The following STPG2 variants were observed in gnomAD, a reference collection of about 807,000 sequenced individuals.
The protein encoded by STPG2 is sperm-tail PG-rich repeat-containing protein 2.
In STPG2, 56 loss-of-function variants were observed where a neutral mutation model predicts 54.2. That is an observed-to-expected ratio of 1.03 (90% CI 0.83 to 1.29). The LOEUF is 1.29. Ranked by LOEUF, STPG2 falls within the 50% of genes most tolerant of loss-of-function variation. The pLI is 0.00. For synonymous variants in STPG2, 200 were observed against 181.8 expected (o/e 1.10, Z -0.81); for missense variants, 596 against 544.9 (o/e 1.09, Z -0.93).
intron 10 of STPG2, among the ~76,000 whole-genome samples, chr4:97,608,040 G>A (rs540019321): frequency 1.3e-5 from 2 of 152,046 alleles, no homozygotes; most frequent in African/African-American, 4.8e-5. Context: ...CTAAAAGGTG[G>A]GGGGAAAGGA....
intron 9 of STPG2, among the ~76,000 whole-genome samples, chr4:97,794,645 T>C (rs1256661955): frequency 1.3e-5 from 2 of 152,136 alleles, no homozygotes; most frequent in Non-Finnish European, 2.9e-5. Flanking sequence ...ATGTGCAGCA[T>C]TGTCTAGCTG....
rs1240036997 is a variant in STPG2 at position 97,712,744 on chromosome 4, G to A, written c.1275C>T (p.Arg425=). 2 of 1,609,528 alleles carry A rather than the reference G, an allele frequency of 1.2e-6. No homozygotes were observed. Among genetic ancestry groups the A allele is most frequent in the Non-Finnish European group, 1.7e-6 (2 of 1,177,176 alleles). Residue 425 remains arginine, a synonymous_variant, in exon 10 of 11, where the codon CGC becomes CGT. Coordinates refer to ENST00000295268, the MANE Select transcript of STPG2 (RefSeq NM_174952.3). Reference sequence around the variant, plus strand: ...GAGTAATCTCTTTGGACTCTTCAAAGCGCTTTGATGCTTTCACAAATAAGG... The same window carrying A: ...GAGTAATCTCTTTGGACTCTTCAAAACGCTTTGATGCTTTCACAAATAAGG... ...PIPLFVKASK[R]FEESKEITPG... is the part of the protein sequence containing the mutation.
chr4:97,612,465 G>A (rs1202676602), intron 10 of STPG2, among the ~76,000 whole-genome samples: 1 of 152,006 alleles, frequency 6.6e-6, no homozygotes, highest in Non-Finnish European at 1.5e-5. Flanking sequence ...TAATCCTCTT[G>A]CAAATAGGTG....
intron 8 of STPG2, among the ~76,000 whole-genome samples, chr4:97,919,072 A>T (rs1731996321): frequency 6.6e-6 from 1 of 152,186 alleles, no homozygotes; most frequent in South Asian, 2.1e-4. Flanking sequence ...TGAAAAATAA[A>T]ACTACATAGG....
chr4:97,653,173 T>C (rs181024449), intron 10 of STPG2, among the ~76,000 whole-genome samples: 1 of 151,994 alleles, frequency 6.6e-6, no homozygotes, highest in Non-Finnish European at 1.5e-5. Context: ...GCAGGTATTA[T>C]GTATTAGGGA....
intron 9 of STPG2, among the ~76,000 whole-genome samples, chr4:97,804,337 A>C (rs1727487145): frequency 6.6e-6 from 1 of 152,106 alleles, no homozygotes; most frequent in Non-Finnish European, 1.5e-5. Context: ...GAGCTGAAAA[A>C]TTCCTGTTGC....
At chr4:98,030,786 A>C (rs564971511) in intron 5 of STPG2, among the ~76,000 whole-genome samples, 2 of 152,326 alleles carry the variant, frequency 1.3e-5, no homozygotes, top group South Asian at 2.1e-4. Context: ...GCAATGGGGA[A>C]AGGATTTTCT....
intron 10 of STPG2, among the ~76,000 whole-genome samples, chr4:97,706,543 A>C (rs879885088): frequency 3.9e-5 from 6 of 152,290 alleles, no homozygotes; most frequent in East Asian, 3.9e-4. Context: ...ATGAGAAATA[A>C]ATTTTTGTTG....
chr4:98,143,323 A>C lies in STPG2; in HGVS notation c.-173T>G. 1 of 586,958 alleles carries C rather than the reference A, an allele frequency of 1.7e-6. No homozygotes were observed. Among genetic ancestry groups the C allele is most frequent in the South Asian group, 2.0e-5 (1 of 48,796 alleles). 36.4% of individuals were successfully genotyped at this position (586,958 alleles called of 1,614,324 possible). On this transcript the variant is annotated 5_prime_UTR_variant, in exon 1 of 11. Transcript: ENST00000295268. ...GTTGTCTCCCCGCCCGCTCATTGAT[A>C]CCAGATTTCCTCAAATCGATTTCTA...
In STPG2 at chr4:98,128,417, A is replaced by G; in HGVS notation, c.387+11T>C. On this transcript the variant is annotated intron_variant, in intron 3 of 10. Transcript: ENST00000295268. ...TTTTCCAATTGTCAATATGAAATAC[A>G]TTATACTTACAAATTGAGGTTTGTA... 2.5e-6 allele frequency: 4 copies of G among 1,581,452 alleles called. No individual in the cohort carries two copies. Among genetic ancestry groups the G allele is most frequent in the African/African-American group, 1.4e-5 (1 of 73,374 alleles).
intron 10 of STPG2, among the ~76,000 whole-genome samples, chr4:97,702,471 G>A (rs1723807488): frequency 6.6e-6 from 1 of 152,118 alleles, no homozygotes; most frequent in Admixed American, 6.5e-5. Context: ...GTGACCCACT[G>A]GGACTTTAAT....
intron 8 of STPG2, among the ~76,000 whole-genome samples, chr4:97,884,761 C>T (rs994712453): frequency 3.3e-5 from 5 of 151,798 alleles, no homozygotes; most frequent in African/African-American, 1.2e-4. Flanking sequence ...GGTTATAGAG[C>T]TAAGAAATTA....
intron 4 of STPG2, among the ~76,000 whole-genome samples, chr4:97,483,976 T>G (rs184910081): frequency 6.6e-6 from 1 of 151,808 alleles, no homozygotes; most frequent in African/African-American, 2.4e-5. Context: ...TGAATGAGCA[T>G]TGGGTCAAAA....
chr4:97,490,924 C>G (rs996721044), intron 4 of STPG2, among the ~76,000 whole-genome samples: 36 of 151,584 alleles, frequency 2.4e-4, no homozygotes, highest in African/African-American at 8.5e-4. Flanking sequence ...AACCCATTTA[C>G]AGCATAAGGA....
At chr4:97,557,743 C>T (rs563898396), downstream of STPG2, among the ~76,000 whole-genome samples, 4 of 152,238 alleles carry the variant, frequency 2.6e-5, no homozygotes, top group Non-Finnish European at 5.9e-5. Flanking sequence ...CTAATGCAGG[C>T]GGAAAGGATT....
chr4:97,967,871 G>T (rs530189369), intron 7 of STPG2, among the ~76,000 whole-genome samples: 4 of 152,164 alleles, frequency 2.6e-5, no homozygotes, highest in African/African-American at 7.2e-5. Flanking sequence ...GGTGTAGAGG[G>T]AAATTTATAC....
At chr4:97,507,447 T>C (rs534142095) in intron 4 of STPG2, among the ~76,000 whole-genome samples, 2 of 152,216 alleles carry the variant, frequency 1.3e-5, no homozygotes, top group East Asian at 3.9e-4. Flanking sequence ...CACATCTTTC[T>C]CAGTAACTAC....
intron 4 of STPG2, among the ~76,000 whole-genome samples, chr4:97,509,217 G>A (rs1730919206): frequency 6.6e-6 from 1 of 151,860 alleles, no homozygotes; most frequent in Admixed American, 6.6e-5. Flanking sequence ...TCCCAAAGGT[G>A]GAAAAGAATT....
At chr4:98,093,518 A>G (rs1205917079) in intron 5 of STPG2, among the ~76,000 whole-genome samples, 1 of 152,216 alleles carries the variant, frequency 6.6e-6, no homozygotes, top group African/African-American at 2.4e-5. Context: ...TACACCATTC[A>G]TCTCTCCTGC....
Sources: allele counts gnomAD v4.1 joint callset (sites outside exome capture counted in the v4.1 genomes callset), GRCh38; gene constraint gnomAD v4.1.1; transcripts MANE v1.5; gene names NCBI Gene and HGNC (gene_info 2026-07-23, HGNC 2026-07-21).